INTU: variants seen among roughly 807,000 people sequenced by gnomAD.
INTU encodes the protein protein inturned.
Under a neutral mutation model 100.5 loss-of-function variants are expected in INTU, and 68 were observed. The observed-to-expected ratio is 0.68, with a 90% CI of 0.56 to 0.83. The LOEUF (loss-of-function observed/expected upper bound fraction) is 0.83. Ranked by LOEUF, INTU falls within the 40% of genes least tolerant of loss-of-function variation. The pLI is 0.00. For synonymous variants in INTU, 357 were observed against 395.7 expected (o/e 0.90, Z 1.16); for missense variants, 1,071 against 1,114.7 (o/e 0.96, Z 0.56).
At chr4:127,642,891 G>C (rs897630907) in intron 1 of INTU, among the ~76,000 whole-genome samples, 1 of 149,620 alleles carries the variant, frequency 6.7e-6, no homozygotes, top group African/African-American at 2.5e-5. Flanking sequence ...GGAGTTTTAT[G>C]GAAATTATAG....
chr4:127,671,863 T>C (rs569387029), intron 5 of INTU, among the ~76,000 whole-genome samples: 3 of 152,204 alleles, frequency 2.0e-5, no homozygotes, highest in South Asian at 2.1e-4. Flanking sequence ...GCAACGTAGA[T>C]AGAACTGGAG....
chr4:127,683,443 C>T (rs988266523), intron 6 of INTU, among the ~76,000 whole-genome samples: 1 of 152,176 alleles, frequency 6.6e-6, no homozygotes, highest in African/African-American at 2.4e-5. Flanking sequence ...CATGCATAAG[C>T]ACCTCTTCAG....
At chr4:127,693,738 G>T (rs941915095) in intron 8 of INTU, among the ~76,000 whole-genome samples, 1 of 151,940 alleles carries the variant, frequency 6.6e-6, no homozygotes, top group African/African-American at 2.4e-5. Context: ...TAACCTTAAG[G>T]TATGTCCCTT....
intron 5 of INTU, 78 bp from the exon 6 acceptor site, chr4:127,674,046 A>G: frequency 1.1e-6 from 1 of 878,868 alleles, no homozygotes; most frequent in Non-Finnish European, 1.7e-6. Context: ...TACCATATGC[A>G]ATCTTTTATG....
At chr4:127,684,595 T>A (rs1560861756) in intron 7 of INTU, 109 bp downstream of exon 7, 6 of 597,012 alleles carry the variant, frequency 1.0e-5, no homozygotes, top group Non-Finnish European at 1.4e-5. Context: ...GTCTCTTTTC[T>A]CCTCCCTCCC....
intron 8 of INTU, among the ~76,000 whole-genome samples, chr4:127,688,170 A>T (rs1729919035): frequency 6.6e-6 from 1 of 152,062 alleles, no homozygotes. Context: ...TTGATTTTAT[A>T]ATGTAAGGTT....
intron 4 of INTU, among the ~76,000 whole-genome samples, chr4:127,668,706 A>G (rs1006364606): frequency 6.6e-6 from 1 of 151,878 alleles, no homozygotes; most frequent in African/African-American, 2.4e-5. Context: ...ATAATAAAAT[A>G]TTAGTATTAT....
chr4:127,671,155 A>ATC (rs1386581926), intron 5 of INTU, among the ~76,000 whole-genome samples: 2 of 152,048 alleles, frequency 1.3e-5, no homozygotes, highest in Non-Finnish European at 2.9e-5. Context: ...AGCAAAAGAA[A>ATC]TAGTCCAGAG....
At chr4:127,699,855 A>G (rs933346898) in intron 8 of INTU, among the ~76,000 whole-genome samples, 155 bp from the exon 9 acceptor site, 1 of 152,224 alleles carries the variant, frequency 6.6e-6, no homozygotes, top group African/African-American at 2.4e-5. Flanking sequence ...CTTAAAAACA[A>G]TATGTTCCAT....
rs372498114 is a variant in INTU at position 127,683,075 on chromosome 4, G to C, written c.1182-1334G>C. Among the ~76,000 whole-genome samples the C allele has an allele frequency of 1.3e-4, 20 of 152,276 alleles. 1 individual carries two copies. In the South Asian group the frequency reaches 4.1e-3, roughly 32 times the overall value. ...AGTTTGTATCCTGAAGCCAACAAAG[G>C]ACTGTCACTGCTGAGCTCTGGACCA... On this transcript the variant is annotated intron_variant, in intron 6 of 15. Coordinates refer to ENST00000335251, the MANE Select transcript of INTU (RefSeq NM_015693.4).
chr4:127,688,971 CTTTTTTTTTTT>C (rs763570146), intron 8 of INTU, among the ~76,000 whole-genome samples: 1 of 88,026 alleles, frequency 1.1e-5, no homozygotes, highest in Admixed American at 1.2e-4. Flanking sequence ...TTCTTTCTTT[CTTTTTTTTTTT>C]TTTTTTTTTT....
chr4:127,712,294 A>G (rs1731122408), intron 14 of INTU, among the ~76,000 whole-genome samples: 1 of 152,122 alleles, frequency 6.6e-6, no homozygotes, highest in Non-Finnish European at 1.5e-5. Context: ...GTCCTCAGAA[A>G]TTGTTATTCT....
At chr4:127,670,441 A>T (rs1728873228) in intron 5 of INTU, among the ~76,000 whole-genome samples, 1 of 152,018 alleles carries the variant, frequency 6.6e-6, no homozygotes, top group African/African-American at 2.4e-5. Flanking sequence ...TATAGTGTAT[A>T]TACAAACTGT....
intron 8 of INTU, among the ~76,000 whole-genome samples, chr4:127,695,550 A>G (rs1022136552): frequency 6.6e-6 from 1 of 152,196 alleles, no homozygotes; most frequent in Non-Finnish European, 1.5e-5. Flanking sequence ...GAGGCTCCTT[A>G]TATACTGATG....
rs141069281 is a variant in INTU at position 127,691,980 on chromosome 4, A to G, written c.1449+4113A>G. Among the ~76,000 whole-genome samples the G allele has an allele frequency of 2.5e-3, 359 of 143,406 alleles. 28 individuals carry two copies. The highest frequency in any genetic ancestry group is 0.015 in the South Asian group (66 of 4,362). 94.1% of individuals were successfully genotyped at this position (143,406 alleles called of 152,430 possible). A position where few individuals can be genotyped will look rare whatever the true frequency, so the allele number is the denominator to read the frequency against. On this transcript the variant is annotated intron_variant, in intron 8 of 15. Transcript: ENST00000335251. ...ATGGTATGTATATATATATATATAT[A>G]TGTCACATTTTCTTTATCCACTCGT...
At chr4:127,678,364 A>G (rs1273537979) in intron 6 of INTU, among the ~76,000 whole-genome samples, 1 of 152,236 alleles carries the variant, frequency 6.6e-6, no homozygotes, top group Non-Finnish European at 1.5e-5. Flanking sequence ...AGTTCGGGTT[A>G]CCCACAAAGG....
rs952461410 is a variant in INTU at position 127,655,016 on chromosome 4, G to A, written c.683-1620G>A. Among the ~76,000 whole-genome samples the A allele has an allele frequency of 1.7e-4, 26 of 151,240 alleles. No homozygotes were observed. The East Asian group carries it at 2.3e-3, about 14-fold the overall frequency. On this transcript the variant is annotated intron_variant, in intron 2 of 15. Transcript: ENST00000335251. ...ACCCTTTCTTCCAGTTGATTGCATC[G>A]GCTCCTGAGGCTTCTGCATTCTTCA...
intron 10 of INTU, 150 bp downstream of exon 10, chr4:127,704,440 G>A (rs1054799349): frequency 4.7e-6 from 3 of 633,514 alleles, no homozygotes; most frequent in Non-Finnish European, 8.0e-6. Context: ...TAGAGACAGG[G>A]TCTTGCTCTG....
chr4:127,643,208 A>G (rs1727409836), intron 1 of INTU, among the ~76,000 whole-genome samples: 1 of 152,022 alleles, frequency 6.6e-6, no homozygotes, highest in African/African-American at 2.4e-5. Flanking sequence ...GGTTGATTTA[A>G]TTTTTTTCAA....
Sources: gnomAD v4.1 joint callset for allele counts (sites outside exome capture counted in the v4.1 genomes callset) on GRCh38, gnomAD v4.1.1 for gene constraint, MANE v1.5 for transcripts, NCBI Gene and HGNC (gene_info 2026-07-23, HGNC 2026-07-21) for gene names.